Variants in AGBL1 observed in about 807,000 individuals in gnomAD.
The protein encoded by AGBL1 is cytosolic carboxypeptidase 4.
Under a neutral mutation model 118.9 loss-of-function variants are expected in AGBL1, and 130 were observed. The observed-to-expected ratio is 1.09, with a 90% confidence interval of 0.95 to 1.26. AGBL1 has a LOEUF of 1.26. Ranked by LOEUF, AGBL1 falls within the 50% of genes most tolerant of loss-of-function variation. The pLI is 0.00. For synonymous variants in AGBL1, 555 were observed against 478.9 expected (o/e 1.16, Z -2.08); for missense variants, 1,584 against 1,298.1 (o/e 1.22, Z -3.38).
At chr15:86,683,935 CTTATTTCTTT>C (rs2086008536) in intron 22 of AGBL1, among the ~76,000 whole-genome samples, 1 of 152,120 alleles carries the variant, frequency 6.6e-6, no homozygotes, top group South Asian at 2.1e-4. Context: ...CTATCTAATT[CTTATTTCTTT>C]TTATTAAGTA....
chr15:86,803,757 G>T lies in AGBL1; in HGVS notation c.3159-103330G>T, dbSNP rs79032740. On this transcript the variant is annotated intron_variant, in intron 22 of 22. Transcript: ENST00000614907. Reference sequence around the variant, plus strand: ...ATATAGTGCAGTGGTCCTCAACCAGGACTGACTGTGGTGTGTAAGAGACAT... The same window carrying T: ...ATATAGTGCAGTGGTCCTCAACCAGTACTGACTGTGGTGTGTAAGAGACAT... 3.5e-3 allele frequency among the ~76,000 whole-genome samples: 536 copies of T among 152,222 alleles called. 7 individuals carry two copies. The highest frequency in any genetic ancestry group is 0.012 in the African/African-American group (510 of 41,542).
intron 18 of AGBL1, among the ~76,000 whole-genome samples, chr15:86,476,137 T>C (rs759368610): frequency 2.0e-5 from 3 of 152,160 alleles, no homozygotes; most frequent in Non-Finnish European, 4.4e-5. Flanking sequence ...TGCTAAATTG[T>C]AAAGACCATC....
At chr15:86,422,580 G>T (rs192555104) in intron 18 of AGBL1, among the ~76,000 whole-genome samples, 3 of 151,430 alleles carry the variant, frequency 2.0e-5, no homozygotes, top group Admixed American at 1.3e-4. Context: ...AGCAGAAAAC[G>T]AGAAAATACT....
chr15:86,197,196 T>C (rs1300196940), intron 5 of AGBL1, among the ~76,000 whole-genome samples: 2 of 152,068 alleles, frequency 1.3e-5, no homozygotes, highest in African/African-American at 4.8e-5. Flanking sequence ...TGGAGGAGTT[T>C]TGAGGTGCAT....
At chr15:86,743,602 G>A (rs2077712300) in intron 22 of AGBL1, among the ~76,000 whole-genome samples, 2 of 152,114 alleles carry the variant, frequency 1.3e-5, no homozygotes, top group Admixed American at 6.6e-5. Flanking sequence ...AGAGGAGTGT[G>A]CTTTTAAAGT....
chr15:86,307,096 C>T (rs1265242347), intron 17 of AGBL1, among the ~76,000 whole-genome samples: 1 of 151,114 alleles, frequency 6.6e-6, no homozygotes, highest in South Asian at 2.2e-4. Flanking sequence ...TTTAAAAAAT[C>T]TTAACTCTCT....
At chr15:86,363,731 A>C (rs2080839567) in intron 17 of AGBL1, among the ~76,000 whole-genome samples, 1 of 152,106 alleles carries the variant, frequency 6.6e-6, no homozygotes, top group African/African-American at 2.4e-5. Context: ...TTGTCTCCCA[A>C]ATCCCTGATT....
At chr15:86,979,404 C>T (rs1039721561) in intron 23 of AGBL1, among the ~76,000 whole-genome samples, 15 of 152,096 alleles carry the variant, frequency 9.9e-5, no homozygotes, top group Admixed American at 1.3e-4. Flanking sequence ...ATACATGATA[C>T]AATTTAAGAG....
chr15:86,738,920 T>G (rs2077639189), intron 22 of AGBL1, among the ~76,000 whole-genome samples: 1 of 151,778 alleles, frequency 6.6e-6, no homozygotes. Context: ...AGGAGGATCG[T>G]TGAGCCCAGA....
In AGBL1 at chr15:86,405,798, G is replaced by A. The variant is rs898981441; in HGVS notation, c.2555+8252G>A. Among the ~76,000 whole-genome samples, 10 of 152,092 alleles carry A rather than the reference G, an allele frequency of 6.6e-5. No individual in the cohort carries two copies. In the East Asian group the frequency reaches 1.5e-3, roughly 24 times the overall value. On this transcript the variant is annotated intron_variant, in intron 18 of 22. Transcript: ENST00000614907. ...AGTACAAATCTAATACAAGGTTCGC[G>A]CAAGTGGTAGAAGTCTAAGTTCAAA...
rs533066086 is a variant in AGBL1 at position 86,650,871 on chromosome 15, C to T, written c.2995-23402C>T. 2.1e-3 allele frequency among the ~76,000 whole-genome samples: 316 copies of T among 152,274 alleles called. 2 individuals are homozygous for T. Among genetic ancestry groups the T allele is most frequent in the Admixed American group, 0.019 (286 of 15,278 alleles). On this transcript the variant is annotated intron_variant, in intron 21 of 22. Transcript: ENST00000614907. ...CTAGTCTTGCCCACGCTACTCTCTG[C>T]CAAGGACAAATTCCAAGTAGGTTTG...
chr15:86,977,071 G>GT (rs1242354945), intron 23 of AGBL1, among the ~76,000 whole-genome samples: 13 of 151,610 alleles, frequency 8.6e-5, no homozygotes, highest in African/African-American at 3.1e-4. Context: ...TTCTCTTCAG[G>GT]TATTTTATGC....
intron 18 of AGBL1, among the ~76,000 whole-genome samples, chr15:86,403,720 G>A (rs537899487): frequency 3.3e-5 from 5 of 152,282 alleles, no homozygotes; most frequent in African/African-American, 9.6e-5. Context: ...GCACACAGGC[G>A]TTCAGTTTTG....
rs74641780 is a variant in AGBL1 at position 86,933,233 on chromosome 15, C to T, written c.3222-54754C>T. 1.7e-3 allele frequency among the ~76,000 whole-genome samples: 257 copies of T among 152,274 alleles called. 1 individual carries two copies. Among genetic ancestry groups the T allele is most frequent in the African/African-American group, 6.0e-3 (249 of 41,546 alleles). On this transcript the variant is annotated intron_variant, in intron 23 of 24. Coordinates refer to the AGBL1 transcript ENST00000441037. ...TACAGGCTGGCTGTCCCTGTTCATT[C>T]CTGGGCAGAGGCCAAGATAACCATG...
chr15:86,586,478 C>T (rs1225824302), intron 21 of AGBL1, among the ~76,000 whole-genome samples: 6 of 152,002 alleles, frequency 3.9e-5, no homozygotes, highest in African/African-American at 1.2e-4. Flanking sequence ...AGAGAATAGT[C>T]GAGTAACATG....
chr15:86,151,556 C>T (rs2077111351), intron 3 of AGBL1, among the ~76,000 whole-genome samples: 1 of 152,086 alleles, frequency 6.6e-6, no homozygotes, highest in South Asian at 2.1e-4. Context: ...ATGACAAACC[C>T]ACAGCCGATA....
At chr15:86,660,888 C>G (rs1251192195) in intron 21 of AGBL1, among the ~76,000 whole-genome samples, 2 of 152,054 alleles carry the variant, frequency 1.3e-5, no homozygotes, top group Non-Finnish European at 2.9e-5. Flanking sequence ...TCAAGCAAAA[C>G]TTGAAGGAAA....
chr15:86,849,519 T>TTC lies in AGBL1; in HGVS notation c.3159-57567_3159-57566insCT, dbSNP rs1555456698. Among the ~76,000 whole-genome samples, 26 of 143,906 alleles carry TTC rather than the reference T, an allele frequency of 1.8e-4. 1 individual carries two copies. Among genetic ancestry groups the TTC allele is most frequent in the East Asian group, 1.4e-3 (6 of 4,318 alleles). 94.4% of individuals were successfully genotyped at this position (143,906 alleles called of 152,430 possible). A position where few individuals can be genotyped will look rare whatever the true frequency, so the allele number is the denominator to read the frequency against. ...GTGATGGCTTTCTTTCTTTCTTTCT[T>TTC]TTTTTTTTTTTTTGGCTGATCTTAT... On this transcript the variant is annotated intron_variant, in intron 22 of 22. Coordinates refer to ENST00000614907, the MANE Select transcript of AGBL1 (RefSeq NM_001386094.1).
chr15:86,410,825 T>G (rs1466802734), intron 18 of AGBL1, among the ~76,000 whole-genome samples: 1 of 112,400 alleles, frequency 8.9e-6, no homozygotes, highest in Admixed American at 1.1e-4. Context: ...TATATATATA[T>G]ATATATATAT....
Sources: gnomAD v4.1 joint callset for allele counts (sites outside exome capture counted in the v4.1 genomes callset) on GRCh38, gnomAD v4.1.1 for gene constraint, MANE v1.5 for transcripts, NCBI Gene and HGNC (gene_info 2026-07-23, HGNC 2026-07-21) for gene names.